Variants in CEP72 observed in about 807,000 individuals in gnomAD.
The protein encoded by CEP72 is centrosomal protein of 72 kDa.
In CEP72, 78 loss-of-function variants were observed where a neutral mutation model predicts 65.7. The observed-to-expected ratio is 1.19, with a 90% CI of 0.99 to 1.43. The LOEUF is 1.43. CEP72 is among the 40% of genes most tolerant of loss of function. CEP72 has a pLI of 0.00. For synonymous variants in CEP72, 358 were observed against 351.7 expected, an observed-to-expected ratio of 1.02 and a Z score of -0.20; for missense variants, 914 against 832.9, an observed-to-expected ratio of 1.10 and a Z score of -1.20.
At chr5:633,711 G>A (rs946449934) in intron 4 of CEP72, 58 bp from the exon 5 acceptor site, 12 of 1,536,288 alleles carry the variant, frequency 7.8e-6, no homozygotes, top group South Asian at 5.7e-5. Flanking sequence ...CCTGGTCTGC[G>A]TGGGCCGGAG....
At chr5:666,274 A>G (rs1739909519) in intron 4 of CEP72, 3 of 826,118 alleles carry the variant, frequency 3.6e-6, no homozygotes, top group Non-Finnish European at 3.7e-6. Flanking sequence ...GCAAATCCAA[A>G]CTGTCTTGGA....
At chr5:614,925 T>C (rs1486766779) in intron 1 of CEP72, among the ~76,000 whole-genome samples, 2 of 152,158 alleles carry the variant, frequency 1.3e-5, no homozygotes, top group African/African-American at 4.8e-5. Context: ...GTTGGTGATA[T>C]TGTTCAGTTC....
intron 4 of CEP72, among the ~76,000 whole-genome samples, chr5:628,040 C>G (rs190742676): frequency 4.1e-4 from 63 of 152,358 alleles, no homozygotes; most frequent in African/African-American, 1.5e-3. Context: ...TAAGATTACT[C>G]TTTATACCAC....
chr5:664,735 GC>G (rs1739822957), intron 2 of CEP72: 1 of 221,126 alleles, frequency 4.5e-6, no homozygotes, highest in African/African-American at 2.3e-5. Flanking sequence ...GAAGGTGTCT[GC>G]CGCTCAGGAG....
At chr5:659,367 A>G (rs780455626), downstream of CEP72, among the ~76,000 whole-genome samples, 1 of 152,248 alleles carries the variant, frequency 6.6e-6, no homozygotes, top group African/African-American at 2.4e-5. Context: ...CAAACCAGAC[A>G]TGCCATTTGA....
At chr5:658,064 A>C (rs1025577990), downstream of CEP72, among the ~76,000 whole-genome samples, 1 of 152,232 alleles carries the variant, frequency 6.6e-6, no homozygotes, top group Non-Finnish European at 1.5e-5. Context: ...AACACACATA[A>C]TTTGAATGGC....
At chr5:633,993 G>C in intron 5 of CEP72, 46 bp downstream of exon 5, 1 of 1,579,814 alleles carries the variant, frequency 6.3e-7, no homozygotes, top group African/African-American at 1.3e-5. Flanking sequence ...GCTGGCTCTG[G>C]GATATATATA....
At chr5:674,545 G>T in the CEP72 span, among the ~76,000 whole-genome samples, 1 of 152,144 alleles carries the variant, frequency 6.6e-6, no homozygotes, top group African/African-American at 2.4e-5. Context: ...TCAGGACAAG[G>T]GCACTGTCTG....
intron 1 of CEP72, among the ~76,000 whole-genome samples, chr5:616,994 C>T (rs955506093): frequency 2.0e-5 from 3 of 151,024 alleles, no homozygotes; most frequent in Non-Finnish European, 4.4e-5. Context: ...ATGATGTGAA[C>T]AGTGTGTGTG....
At position 645,349 on chromosome 5, in the gene CEP72, T is replaced by A. The variant is rs1266738313; in HGVS notation, c.1666+924T>A. On this transcript the variant is annotated intron_variant, in intron 10 of 11. Transcript: ENST00000264935. This position sits in a 1 kb window ranked among gnomAD's most constrained non-coding sequence, Gnocchi z 4.0. ...AAGAGTTCCTTAGAGTCTTCTTTTT[T>A]ATTTATAAATTTTGCTTTTCTATCT... 6.6e-6 allele frequency among the ~76,000 whole-genome samples: 1 copy of A among 152,206 alleles called. No homozygotes were observed. Among genetic ancestry groups the A allele is most frequent in the African/African-American group, 2.4e-5 (1 of 41,444 alleles).
chr5:613,793 G>A (rs190314973), intron 1 of CEP72, among the ~76,000 whole-genome samples: 7 of 152,220 alleles, frequency 4.6e-5, no homozygotes, highest in East Asian at 1.9e-4. Flanking sequence ...ATCCGCTTGC[G>A]GGGCCCTTTA....
intron 3 of CEP72, among the ~76,000 whole-genome samples, chr5:621,312 C>T (rs1736375830): frequency 6.6e-6 from 1 of 152,238 alleles, no homozygotes; most frequent in Non-Finnish European, 1.5e-5. Context: ...CCAACAGAAT[C>T]ACAGAGGACA....
At chr5:642,227 CGTG>C in intron 9 of CEP72, 1 of 772,560 alleles carries the variant, frequency 1.3e-6, no homozygotes, top group Non-Finnish European at 1.5e-6. Context: ...TTTAAGCACA[CGTG>C]GTCCCCCGTC....
chr5:624,146 G>C lies in CEP72; in HGVS notation c.404-325G>C, dbSNP rs999975511. ...GGCTCCCTCCGTGGAGGCTTCTCTGGGTTACCTGAGTGTGACTTGAGAATC... is the reference window on the plus strand; with the variant it reads ...GGCTCCCTCCGTGGAGGCTTCTCTGCGTTACCTGAGTGTGACTTGAGAATC... On this transcript the variant is annotated intron_variant, in intron 3 of 11. Coordinates refer to ENST00000264935, the MANE Select transcript of CEP72 (RefSeq NM_018140.4). The surrounding 1 kb of genome is among the most constrained non-coding windows in gnomAD (Gnocchi z 4.7). Among the ~76,000 whole-genome samples the C allele has an allele frequency of 2.6e-5, 4 of 152,194 alleles. No individual in the cohort carries two copies. The highest frequency in any genetic ancestry group is 9.7e-5 in the African/African-American group (4 of 41,442).
At chr5:634,601 G>A (rs1330233713) in intron 5 of CEP72, among the ~76,000 whole-genome samples, 3 of 152,214 alleles carry the variant, frequency 2.0e-5, no homozygotes, top group Non-Finnish European at 4.4e-5. Flanking sequence ...TGCTCTGTCA[G>A]GGGGTTGTGG....
chr5:669,279 G>A (rs1740096302), downstream of CEP72, among the ~76,000 whole-genome samples: 1 of 74,620 alleles, frequency 1.3e-5, no homozygotes, highest in Non-Finnish European at 2.8e-5. Context: ...GCGCTGGTGA[G>A]CCCGGTGAGC....
chr5:654,343 G>A (rs564457704), downstream of CEP72, among the ~76,000 whole-genome samples: 717 of 145,576 alleles, frequency 4.9e-3, 6 homozygotes, highest in African/African-American at 0.017. Flanking sequence ...CTGTGTGTGC[G>A]CGCACGCACC....
intron 11 of CEP72, among the ~76,000 whole-genome samples, chr5:651,889 C>A (rs1329027683): frequency 2.0e-5 from 3 of 151,570 alleles, no homozygotes; most frequent in African/African-American, 4.9e-5. Context: ...ACTCCTCAGG[C>A]TGAGGCTGCC....
chr5:629,647 C>T (rs2937590), intron 4 of CEP72, among the ~76,000 whole-genome samples: 12 of 67,452 alleles, frequency 1.8e-4, no homozygotes, highest in South Asian at 6.3e-4. Flanking sequence ...TGTCCAGTGC[C>T]GGGATTTGAC....
Sources: gnomAD v4.1 joint callset for allele counts (sites outside exome capture counted in the v4.1 genomes callset) on GRCh38, gnomAD v4.1.1 for gene constraint, Gnocchi (gnomAD v3.1) non-coding constraint, MANE v1.5 for transcripts, NCBI Gene and HGNC (gene_info 2026-07-23, HGNC 2026-07-21) for gene names.